MPND: variants seen among roughly 807,000 people sequenced by gnomAD.
MPND encodes MPN domain-containing protein.
In MPND, 56 loss-of-function variants were observed where a neutral mutation model predicts 59.2. The observed-to-expected ratio is 0.95, with a 90% CI of 0.76 to 1.18. The LOEUF (loss-of-function observed/expected upper bound fraction) is 1.18, where lower values mean the gene tolerates loss of function less well. Among genes scored for constraint, MPND ranks in the 50% most tolerant of loss-of-function variants. The probability of loss-of-function intolerance (pLI) is 0.00; values close to 1 mark genes in which losing one functional copy is unlikely to be tolerated. For synonymous variants in MPND, 323 were observed against 291.9 expected, an observed-to-expected ratio of 1.11 and a Z score of -1.09; for missense variants, 671 against 676.0, an observed-to-expected ratio of 0.99 and a Z score of 0.08.
chr19:4,351,706 C>T (rs1599571785), intron 3 of MPND, among the ~76,000 whole-genome samples: 1 of 151,446 alleles, frequency 6.6e-6, no homozygotes, highest in African/African-American at 2.4e-5. Context: ...ACTAAAAATA[C>T]AAAAAATTAG....
At position 4,354,073 on chromosome 19, in the gene MPND, C is replaced by T; in HGVS notation, c.693C>T (p.Asp231=). Residue 231 remains aspartate (D), a synonymous_variant, in exon 5 of 13, where the codon GAC becomes GAT. Transcript: ENST00000599840. ...PEATTPGKRV[D]SKIRVPVRYC... ...CCACAACCCCAGGGAAGCGGGTGGA[C>T]AGCAAGATCCGGGTTCCGGTCCGCT... 1 of 1,613,412 alleles carries T rather than the reference C, an allele frequency of 6.2e-7. No homozygotes were observed. Among genetic ancestry groups the T allele is most frequent in the Non-Finnish European group, 8.5e-7 (1 of 1,179,406 alleles).
At position 4,355,587 on chromosome 19, in the gene MPND, A is replaced by G. The variant is rs183882782; in HGVS notation, c.996+414A>G. On this transcript the variant is annotated intron_variant, in intron 8 of 12. Coordinates refer to ENST00000599840, the MANE Select transcript of MPND (RefSeq NM_001300862.2). Reference sequence around the variant, plus strand: ...CCTGACCTCGTGATCTGCCCGCCTCAGCCTCCCAAAGTGCTGGGATTACAG... The same window carrying G: ...CCTGACCTCGTGATCTGCCCGCCTCGGCCTCCCAAAGTGCTGGGATTACAG... Among the ~76,000 whole-genome samples, 801 of 151,584 alleles carry G rather than the reference A, an allele frequency of 5.3e-3. 13 individuals carry two copies. Among genetic ancestry groups the G allele is most frequent in the African/African-American group, 0.018 (763 of 41,376 alleles).
intron 5 of MPND, 75 bp downstream of exon 5, chr19:4,354,204 G>A: frequency 6.5e-7 from 1 of 1,529,264 alleles, no homozygotes; most frequent in East Asian, 2.4e-5. Context: ...AGCAAGGGCA[G>A]GGGTGGGGGG....
intron 3 of MPND, among the ~76,000 whole-genome samples, chr19:4,350,199 C>T (rs534617926): frequency 2.0e-5 from 3 of 152,172 alleles, no homozygotes; most frequent in South Asian, 2.1e-4. Context: ...GGGGCACGAC[C>T]GTGCCTGGTG....
At chr19:4,348,802 G>A (rs1972247260) in intron 3 of MPND, among the ~76,000 whole-genome samples, 1 of 151,634 alleles carries the variant, frequency 6.6e-6, no homozygotes, top group African/African-American at 2.4e-5. Context: ...AATTATAGGC[G>A]CCCACCACCA....
Position 4,354,520 on chromosome 19 carries a change from C to T in MPND, c.846+100C>T, listed in dbSNP as rs1303335935. On this transcript the variant is annotated intron_variant, in intron 6 of 12. Coordinates refer to ENST00000599840, the MANE Select transcript of MPND (RefSeq NM_001300862.2). ...GTATCAGCTCCATGAGAGCTGGGGCCTTGTCTGCTTTGTTTGCTACTGGTA... is the reference window on the plus strand; with the variant it reads ...GTATCAGCTCCATGAGAGCTGGGGCTTTGTCTGCTTTGTTTGCTACTGGTA... 4 of 966,896 alleles carry T rather than the reference C, an allele frequency of 4.1e-6. No homozygotes were observed. The South Asian group carries it at 4.4e-5, about 11-fold the overall frequency. The allele number at this position is 966,896 out of a possible 1,614,324, so 59.9% of individuals were successfully genotyped here. A position where few individuals can be genotyped will look rare whatever the true frequency, so the allele number is the denominator to read the frequency against.
intron 3 of MPND, among the ~76,000 whole-genome samples, chr19:4,347,020 C>T (rs561309276): frequency 2.6e-5 from 4 of 152,120 alleles, no homozygotes; most frequent in African/African-American, 9.6e-5. Flanking sequence ...CAGATTGAGA[C>T]TCCATTTCAA....
chr19:4,346,203 G>C (rs1972183011), intron 3 of MPND, among the ~76,000 whole-genome samples: 1 of 152,214 alleles, frequency 6.6e-6, no homozygotes, highest in Admixed American at 6.6e-5. Context: ...GTCAGAGCAA[G>C]TTGAAGGGAA....
In MPND at chr19:4,359,881, C is replaced by T. The variant is rs745876266; in HGVS notation, c.1420-35C>T. On this transcript the variant is annotated intron_variant, in intron 12 of 12. Coordinates refer to ENST00000599840, the MANE Select transcript of MPND (RefSeq NM_001300862.2). ...GAGGCGCAGGGCTGGCTAGGACCCC[C>T]GGGCACAGCCTGAGGCCCAGCCCCC... 7.1e-5 allele frequency: 108 copies of T among 1,521,262 alleles called. 2 individuals are homozygous for T. In the South Asian group the frequency reaches 8.2e-4, roughly 12 times the overall value. The allele number at this position is 1,521,262 out of a possible 1,614,324, so 94.2% of individuals were successfully genotyped here.
Position 4,354,048 on chromosome 19 carries a change from C to T in MPND, c.668C>T (p.Ala223Val). The change falls in exon 5 of 13, where the codon GCC becomes GTC. Residue 223 changes from alanine (A) to valine (V), a missense_variant. Coordinates refer to ENST00000599840, the MANE Select transcript of MPND (RefSeq NM_001300862.2). ...KSPSEPAHPE[A>V]TTPGKRVDSK... ...ACCCTGCCTTTTTCTCTCCCAGAGG[C>T]CACAACCCCAGGGAAGCGGGTGGAC... 1 of 1,612,786 alleles carries T rather than the reference C, an allele frequency of 6.2e-7. No individual in the cohort carries two copies. The highest frequency in any genetic ancestry group is 1.1e-5 in the South Asian group (1 of 91,018).
intron 4 of MPND, among the ~76,000 whole-genome samples, chr19:4,353,412 C>T (rs995439575): frequency 3.9e-5 from 6 of 152,066 alleles, no homozygotes; most frequent in Non-Finnish European, 7.4e-5. Flanking sequence ...GGACTATAGG[C>T]GCCAGCCGCC....
At position 4,352,914 on chromosome 19, in the gene MPND, GGAGGAGGAGGAGTTGCTGATGGAA is replaced by G. The variant is rs749432240; in HGVS notation, c.562_585del (p.Leu188_Glu195del). ...CCCTGCAGAGCCCAGCCAGTGAAGG[GGAGGAGGAGGAGTTGCTGATGGAA>G]GAGGAGGAGGAGGACGTTCTGGCAG... On this transcript the variant is annotated inframe_deletion, in exon 4 of 13. Transcript: ENST00000599840. The G allele has an allele frequency of 8.6e-6, 12 of 1,391,460 alleles. No homozygotes were observed. The highest frequency in any genetic ancestry group is 2.7e-5 in the East Asian group (1 of 36,518). The allele number at this position is 1,391,460 out of a possible 1,614,324, so 86.2% of individuals were successfully genotyped here. A position where few individuals can be genotyped will look rare whatever the true frequency, so the allele number is the denominator to read the frequency against.
At position 4,343,877 on chromosome 19, in the gene MPND, G is replaced by GGCGGGGGGCT; in HGVS notation, c.182_191dup (p.Pro66LeufsTer114). 8.1e-7 allele frequency: 1 copy of GGCGGGGGGCT among 1,230,250 alleles called. No individual in the cohort carries two copies. Among genetic ancestry groups the GGCGGGGGGCT allele is most frequent in the Non-Finnish European group, 1.0e-6 (1 of 990,736 alleles). The allele number at this position is 1,230,250 out of a possible 1,614,324, so 76.2% of individuals were successfully genotyped here. On this transcript the variant is annotated frameshift_variant, in exon 2 of 13. Transcript: ENST00000599840. LOFTEE classifies it high-confidence loss of function. Reference sequence around the variant, plus strand: ...GAGGAGGCGGCGGCGGCGGGGCCGGGGCGGGGGGCTGCGGCGGGCCCGGGG... The same window carrying GGCGGGGGGCT: ...GAGGAGGCGGCGGCGGCGGGGCCGGGGCGGGGGGCTGCGGGGGGCTGCGGCGGGCCCGGGG...
At chr19:4,351,425 C>T (rs1240066535) in intron 3 of MPND, among the ~76,000 whole-genome samples, 1 of 152,134 alleles carries the variant, frequency 6.6e-6, no homozygotes, top group Admixed American at 6.6e-5. Context: ...TACTGAAAGA[C>T]GTGAAAGCCA....
At chr19:4,349,463 A>G (rs1298675823) in intron 3 of MPND, among the ~76,000 whole-genome samples, 1 of 150,566 alleles carries the variant, frequency 6.6e-6, no homozygotes, top group Non-Finnish European at 1.5e-5. Flanking sequence ...TCAGGAAGTG[A>G]GGGTGCTCAA....
In MPND at chr19:4,354,391, G is replaced by A. The variant is rs1041267915; in HGVS notation, c.817G>A (p.Ala273Thr). ...CAACAAGTTCCAGCCGTTCAACGTG[G>A]CTGTTTCTAGCAACGTGCTGTTCCT... ...AINKFQPFNV[A>T]VSSNVLFLLD... The change falls in exon 6 of 13, where the codon GCT becomes ACT. Residue 273 changes from alanine (A) to threonine (T), a missense_variant. Ala to Thr is a moderately conservative substitution (Grantham distance 58). Transcript: ENST00000599840. 2 of 1,559,948 alleles carry A rather than the reference G, an allele frequency of 1.3e-6. No individual in the cohort carries two copies. Among genetic ancestry groups the A allele is most frequent in the Non-Finnish European group, 1.7e-6 (2 of 1,150,654 alleles).
intron 3 of MPND, among the ~76,000 whole-genome samples, chr19:4,351,892 G>T (rs566674406): frequency 6.0e-4 from 83 of 137,294 alleles, no homozygotes; most frequent in African/African-American, 1.7e-3. Flanking sequence ...AATAGAGTTG[G>T]CTGGGCACGG....
At chr19:4,359,845 C>A (rs578079798) in intron 12 of MPND, 71 bp from the exon 13 acceptor site, 2 of 1,275,774 alleles carry the variant, frequency 1.6e-6, no homozygotes, top group Non-Finnish European at 2.2e-6. Flanking sequence ...TGGACTTGCA[C>A]GGTGGACTGT....
At chr19:4,359,467 A>G (rs555151255) in intron 12 of MPND, among the ~76,000 whole-genome samples, 2 of 152,212 alleles carry the variant, frequency 1.3e-5, no homozygotes, top group South Asian at 4.2e-4. Context: ...GCAGTGCCGG[A>G]TGAGGTCCTG....
Sources: gnomAD v4.1 joint callset for allele counts (sites outside exome capture counted in the v4.1 genomes callset) on GRCh38, gnomAD v4.1.1 for gene constraint, MANE v1.5 for transcripts, NCBI Gene and HGNC (gene_info 2026-07-23, HGNC 2026-07-21) for gene names.